Variants in EFR3A observed in about 807,000 individuals in gnomAD.
EFR3A encodes EFR3 homolog A, also known as protein EFR3 homolog A.
In EFR3A, 76 loss-of-function variants were observed where a neutral mutation model predicts 104.4. The observed-to-expected ratio is 0.73, with a 90% confidence interval of 0.60 to 0.88. EFR3A has a LOEUF of 0.88. EFR3A is among the 40% of genes least tolerant of loss of function. The pLI is 0.00. For synonymous variants in EFR3A, 330 were observed against 330.0 expected (o/e 1.00, Z 0.00); for missense variants, 985 against 1,012.5 (o/e 0.97, Z 0.37).
At chr8:131,954,634 G>T (rs1197057161) in intron 6 of EFR3A, among the ~76,000 whole-genome samples, 4 of 148,992 alleles carry the variant, frequency 2.7e-5, no homozygotes, top group Non-Finnish European at 5.9e-5. Flanking sequence ...AATAAATAGT[G>T]AAATATTTAT....
chr8:131,904,346 G>C, intron 1 of EFR3A, 24 bp downstream of exon 1: 1 of 1,247,588 alleles, frequency 8.0e-7, no homozygotes, highest in Non-Finnish European at 1.0e-6. Flanking sequence ...CGAGGGCCGG[G>C]GGCGTTGGGA....
chr8:131,987,503 T>A (rs1432157012), intron 17 of EFR3A, 72 bp from the exon 18 acceptor site: 2 of 1,453,126 alleles, frequency 1.4e-6, no homozygotes, highest in Non-Finnish European at 1.8e-6. Flanking sequence ...TGCTCTGGAA[T>A]GTTTTGCATA....
At chr8:131,982,478 C>A (rs1233322149) in intron 14 of EFR3A, among the ~76,000 whole-genome samples, 2 of 151,930 alleles carry the variant, frequency 1.3e-5, no homozygotes, top group Non-Finnish European at 2.9e-5. Context: ...GTATATAACT[C>A]CCATTTCTCC....
rs1822336418 is a variant in EFR3A, at chr8:132,011,359, G to C, written c.*464G>C. On this transcript the variant is annotated 3_prime_UTR_variant, in exon 23 of 23. Coordinates refer to ENST00000254624, the MANE Select transcript of EFR3A (RefSeq NM_015137.6). ...TTCCTAGTCCTGGGACTGCAAAACT[G>C]TTCGGTGGCTTTTTGTCCCCATGCT... The C allele has an allele frequency of 7.1e-6, 7 of 986,014 alleles. No homozygotes were observed. Among genetic ancestry groups the C allele is most frequent in the Non-Finnish European group, 8.4e-6 (7 of 830,408 alleles). The allele number at this position is 986,014 out of a possible 1,614,324, so 61.1% of individuals were successfully genotyped here.
chr8:131,970,148 G>T lies in EFR3A; in HGVS notation c.992-328G>T, dbSNP rs1445353354. Among the ~76,000 whole-genome samples the T allele has an allele frequency of 2.6e-5, 4 of 152,108 alleles. No individual in the cohort carries two copies. The East Asian group carries it at 7.7e-4, about 29-fold the overall frequency. The stretch of plus-strand genomic sequence containing the variant: ...AGCAGTTAAGTTAAATATTGTCCTA[G>T]TACACATTATTGTGAACAGATAAGA... On this transcript the variant is annotated intron_variant, in intron 9 of 22. Coordinates refer to ENST00000254624, the MANE Select transcript of EFR3A (RefSeq NM_015137.6).
intron 1 of EFR3A, chr8:131,938,084 G>A (rs939696925): frequency 5.1e-6 from 2 of 389,250 alleles, no homozygotes; most frequent in African/African-American, 4.1e-5. Context: ...TATATTTGAT[G>A]TCAATGACAA....
chr8:131,961,437 G>A (rs1291407737), intron 8 of EFR3A, among the ~76,000 whole-genome samples: 5 of 152,114 alleles, frequency 3.3e-5, no homozygotes, highest in East Asian at 1.9e-4. Context: ...TAGCCGATTC[G>A]ATCAACTGGA....
chr8:131,975,073 C>A (rs1820253642), intron 10 of EFR3A, among the ~76,000 whole-genome samples: 1 of 152,042 alleles, frequency 6.6e-6, no homozygotes, highest in African/African-American at 2.4e-5. Flanking sequence ...CTTTTGTGAC[C>A]AGGAAGTAAG....
Position 131,979,399 on chromosome 8 carries a change from A to G in EFR3A, c.1553A>G (p.Gln518Arg). 1 of 1,565,224 alleles carries G rather than the reference A, an allele frequency of 6.4e-7. No individual in the cohort carries two copies. The highest frequency in any genetic ancestry group is 8.7e-7 in the Non-Finnish European group (1 of 1,153,284). Residue 518 changes from glutamine to arginine, a missense_variant, in exon 14 of 23, where the codon CAA (glutamine) becomes CGA (arginine). Coordinates refer to ENST00000254624, the MANE Select transcript of EFR3A (RefSeq NM_015137.6). The stretch of plus-strand genomic sequence containing the variant: ...ATAAAAAGAGAAAAAATTTGCAGAC[A>G]AGACACAAGTTTCATGAAAAAGGTA... Reference protein sequence around the residue: ...LKIKREKICRQDTSFMKKNGQ... With the variant: ...LKIKREKICRRDTSFMKKNGQ...
rs774584545 is a variant in EFR3A at position 131,976,157 on chromosome 8, G to A, written c.1274+16G>A. ...GTCAACTAGGGTATGTTCTCAGACT[G>A]TAAATTTGAACTTAATCTTGAGTTA... On this transcript the variant is annotated intron_variant, in intron 11 of 22. Transcript: ENST00000254624. 3.5e-6 allele frequency: 5 copies of A among 1,426,890 alleles called. No homozygotes were observed. Among genetic ancestry groups the A allele is most frequent in the Admixed American group, 2.0e-5 (1 of 50,216 alleles). 88.4% of individuals were successfully genotyped at this position (1,426,890 alleles called of 1,614,324 possible). A position where few individuals can be genotyped will look rare whatever the true frequency, so the allele number is the denominator to read the frequency against.
intron 14 of EFR3A, among the ~76,000 whole-genome samples, chr8:131,980,628 A>C (rs1238525371): frequency 6.6e-6 from 1 of 152,094 alleles, no homozygotes; most frequent in Non-Finnish European, 1.5e-5. Context: ...TAATTAACAT[A>C]TCCATTTTCT....
rs1448253758 is a variant in EFR3A at position 131,979,403 on chromosome 8, C to G, written c.1557C>G (p.Asp519Glu). Residue 519 changes from aspartate to glutamate, a missense_variant, in exon 14 of 23, where the codon GAC (aspartate) becomes GAG (glutamate). By Grantham distance (45) the Asp-to-Glu change is conservative. Transcript: ENST00000254624. ...KIKREKICRQ[D>E]TSFMKKNGQQ... ...AAAGAGAAAAAATTTGCAGACAAGACACAAGTTTCATGAAAAAGGTAAGAC... is the reference window on the plus strand; with the variant it reads ...AAAGAGAAAAAATTTGCAGACAAGAGACAAGTTTCATGAAAAAGGTAAGAC... 2 of 1,561,768 alleles carry G rather than the reference C, an allele frequency of 1.3e-6. No homozygotes were observed. Among genetic ancestry groups the G allele is most frequent in the Non-Finnish European group, 8.7e-7 (1 of 1,151,206 alleles).
Position 132,011,067 on chromosome 8 carries a change from T to C in EFR3A, c.*172T>C, listed in dbSNP as rs1030479454. The C allele has an allele frequency of 1.0e-5, 13 of 1,260,962 alleles. No individual in the cohort carries two copies. Among genetic ancestry groups the C allele is most frequent in the Non-Finnish European group, 1.2e-5 (12 of 997,578 alleles). The allele number at this position is 1,260,962 out of a possible 1,614,324, so 78.1% of individuals were successfully genotyped here. On this transcript the variant is annotated 3_prime_UTR_variant, in exon 23 of 23. Coordinates refer to ENST00000254624, the MANE Select transcript of EFR3A (RefSeq NM_015137.6). ...TTAGAAGTTTTGGAGCTATATATAA[T>C]TTCGAGTACTTTCAAAGATAGATTT...
intron 5 of EFR3A, among the ~76,000 whole-genome samples, chr8:131,950,823 T>C (rs921700010): frequency 4.6e-5 from 7 of 152,144 alleles, no homozygotes; most frequent in Non-Finnish European, 1.0e-4. Context: ...GTCTTGGACA[T>C]TTTTAAACAT....
chr8:131,913,599 G>A (rs1816623131), intron 1 of EFR3A, among the ~76,000 whole-genome samples: 1 of 152,076 alleles, frequency 6.6e-6, no homozygotes, highest in Non-Finnish European at 1.5e-5. Context: ...CTTAGTTGGT[G>A]AGTTATTCAG....
intron 1 of EFR3A, among the ~76,000 whole-genome samples, chr8:131,938,897 T>C (rs537280040): frequency 1.3e-5 from 2 of 152,260 alleles, no homozygotes; most frequent in South Asian, 4.1e-4. Context: ...GAGTGAATAA[T>C]GTTGTAACAT....
rs1226409899 is a variant in EFR3A, at chr8:132,013,377, T to G, written c.*2482T>G. On this transcript the variant is annotated 3_prime_UTR_variant, in exon 23 of 23. Coordinates refer to ENST00000254624, the MANE Select transcript of EFR3A (RefSeq NM_015137.6). ...CCTTAATACTTCTGAACTCATTATC[T>G]TTTAGAATAATAATACTACTACACT... 1 of 152,620 alleles carries G rather than the reference T, an allele frequency of 6.6e-6. No homozygotes were observed. The highest frequency in any genetic ancestry group is 1.9e-4 in the East Asian group (1 of 5,190). The allele number at this position is 152,620 out of a possible 1,614,324, so 9.5% of individuals were successfully genotyped here.
chr8:131,972,933 C>CTATT (rs1320941410), intron 10 of EFR3A, among the ~76,000 whole-genome samples: 1 of 151,634 alleles, frequency 6.6e-6, no homozygotes, highest in Non-Finnish European at 1.5e-5. Context: ...TTGACACCAC[C>CTATT]TATTTATTTA....
At chr8:131,940,444 G>C in intron 1 of EFR3A, 55 bp from the exon 2 acceptor site, 2 of 1,483,244 alleles carry the variant, frequency 1.3e-6, no homozygotes, top group East Asian at 4.9e-5. Flanking sequence ...GAATTTCCAG[G>C]CCTGTTTACA....
Sources: allele counts gnomAD v4.1 joint callset (sites outside exome capture counted in the v4.1 genomes callset), GRCh38; gene constraint gnomAD v4.1.1; transcripts MANE v1.5; gene names NCBI Gene and HGNC (gene_info 2026-07-23, HGNC 2026-07-21).